Variants in FOXJ3 observed in about 807,000 individuals in gnomAD.
FOXJ3 encodes the protein forkhead box J3, also known as forkhead box protein J3.
A neutral mutation model predicts 76.1 loss-of-function variants in FOXJ3; 22 were observed. The observed-to-expected ratio is 0.29, with a 90% CI of 0.21 to 0.41. FOXJ3 has a LOEUF of 0.41. Ranked by LOEUF, FOXJ3 falls within the 10% of genes least tolerant of loss-of-function variation. The probability of loss-of-function intolerance (pLI) is 1.00; values close to 1 mark genes in which losing one functional copy is unlikely to be tolerated. For missense variants in FOXJ3, 613 were observed against 762.1 expected (o/e 0.80, Z 2.30); for synonymous variants, 269 against 261.2 (o/e 1.03, Z -0.29).
chr1:42,252,954 T>A (rs1208045630), intron 4 of FOXJ3, among the ~76,000 whole-genome samples: 2 of 150,900 alleles, frequency 1.3e-5, no homozygotes, highest in Non-Finnish European at 2.9e-5. Flanking sequence ...TGTTGGAAGT[T>A]CTGGCCAGGG....
intron 1 of FOXJ3, among the ~76,000 whole-genome samples, chr1:42,315,057 C>T (rs1046514169): frequency 1.3e-5 from 2 of 152,174 alleles, no homozygotes; most frequent in Non-Finnish European, 2.9e-5. Flanking sequence ...ACCTTGAAAG[C>T]CTCATGCTAA....
At chr1:42,281,954 G>C (rs1292557383) in intron 2 of FOXJ3, among the ~76,000 whole-genome samples, 1 of 152,056 alleles carries the variant, frequency 6.6e-6, no homozygotes, top group Non-Finnish European at 1.5e-5. Context: ...AGCTACTTGG[G>C]AGGCTGAGGC....
At chr1:42,247,105 A>G (rs1045025588) in intron 4 of FOXJ3, among the ~76,000 whole-genome samples, 1 of 152,168 alleles carries the variant, frequency 6.6e-6, no homozygotes, top group Admixed American at 6.5e-5. Context: ...AAAGCAGGGT[A>G]GACTGGCTAT....
intron 3 of FOXJ3, among the ~76,000 whole-genome samples, chr1:42,268,369 A>C (rs1326058680): frequency 1.3e-5 from 2 of 152,122 alleles, no homozygotes; most frequent in African/African-American, 4.8e-5. Context: ...AGGCAAAATA[A>C]AGACTTCCAA....
At chr1:42,279,068 C>T (rs1652505068) in intron 2 of FOXJ3, among the ~76,000 whole-genome samples, 1 of 152,126 alleles carries the variant, frequency 6.6e-6, no homozygotes, top group Admixed American at 6.5e-5. Context: ...TTAAAATGTA[C>T]CTCTGGCATT....
chr1:42,238,240 G>A (rs1346182572), intron 4 of FOXJ3, among the ~76,000 whole-genome samples: 2 of 152,128 alleles, frequency 1.3e-5, no homozygotes, highest in Admixed American at 6.5e-5. Context: ...TCACCACATT[G>A]GCCAGGCTGC....
chr1:42,191,884 T>C (rs575777379), intron 8 of FOXJ3, among the ~76,000 whole-genome samples, 165 bp from the exon 9 acceptor site: 45 of 152,288 alleles, frequency 3.0e-4, no homozygotes, highest in African/African-American at 9.9e-4. Flanking sequence ...TCTGTGGTTA[T>C]TGAGAAGAAA....
chr1:42,217,095 A>G (rs1258164449), intron 5 of FOXJ3, among the ~76,000 whole-genome samples: 2 of 152,360 alleles, frequency 1.3e-5, no homozygotes, highest in Middle Eastern at 6.8e-3. Context: ...CTATTTGCAG[A>G]TGACACAATT....
chr1:42,301,704 T>C (rs553458423), intron 2 of FOXJ3, among the ~76,000 whole-genome samples: 2 of 152,350 alleles, frequency 1.3e-5, no homozygotes, highest in African/African-American at 2.4e-5. Context: ...TCTCCTTTCA[T>C]ATCCCAAACT....
intron 5 of FOXJ3, among the ~76,000 whole-genome samples, chr1:42,223,523 T>C (rs1426354653): frequency 6.6e-6 from 1 of 152,194 alleles, no homozygotes; most frequent in Non-Finnish European, 1.5e-5. Flanking sequence ...GCATGCTGTG[T>C]CTCCAAGTGG....
chr1:42,307,439 G>A (rs1309858499), intron 2 of FOXJ3, among the ~76,000 whole-genome samples: 2 of 152,098 alleles, frequency 1.3e-5, no homozygotes, highest in Non-Finnish European at 2.9e-5. Context: ...AGCAGCTGCC[G>A]CCTGTTATGT....
intron 2 of FOXJ3, 56 bp downstream of exon 2, chr1:42,310,994 G>A: frequency 2.8e-6 from 3 of 1,059,826 alleles, no homozygotes; most frequent in Non-Finnish European, 4.2e-6. Context: ...GAGGTGACCA[G>A]TCTAACTTTT....
intron 9 of FOXJ3, among the ~76,000 whole-genome samples, chr1:42,190,353 T>TG (rs1646517210): frequency 6.6e-6 from 1 of 152,216 alleles, no homozygotes; most frequent in Non-Finnish European, 1.5e-5. Context: ...ACTGGCTACT[T>TG]GATTACAAAA....
At chr1:42,311,673 G>GTAGTAGTAGTAGTAGTAGTAC (rs1453571418) in intron 1 of FOXJ3, among the ~76,000 whole-genome samples, 119 of 152,136 alleles carry the variant, frequency 7.8e-4, no homozygotes, top group African/African-American at 2.8e-3. Flanking sequence ...AGTAGTAGTA[G>GTAGTAGTAGTAGTAGTAGTAC]TAGTAAAGAG....
chr1:42,251,882 CTAA>C (rs1477714520), intron 4 of FOXJ3, among the ~76,000 whole-genome samples: 1 of 151,814 alleles, frequency 6.6e-6, no homozygotes, highest in Non-Finnish European at 1.5e-5. Flanking sequence ...CCATGCCCGG[CTAA>C]TTTTTGTATT....
In FOXJ3 at chr1:42,181,812, G is replaced by GACACACACAC. The variant is rs112821227; in HGVS notation, c.1753+95_1753+104dup. Reference sequence around the variant, plus strand: ...CAATATTAAACTCTGGGTAATAACTGACACACACACACACACTCTCTCTCT... The same window carrying GACACACACAC: ...CAATATTAAACTCTGGGTAATAACTGACACACACACACACACACACACACACTCTCTCTCT... On this transcript the variant is annotated intron_variant, in intron 12 of 12. Coordinates refer to ENST00000361346, the MANE Select transcript of FOXJ3 (RefSeq NM_014947.5). The GACACACACAC allele has an allele frequency of 1.3e-5, 8 of 611,672 alleles. No homozygotes were observed. In the South Asian group the frequency reaches 1.7e-4, roughly 13 times the overall value. 37.9% of individuals were successfully genotyped at this position (611,672 alleles called of 1,614,324 possible).
chr1:42,303,559 G>T (rs183210749), intron 2 of FOXJ3, among the ~76,000 whole-genome samples: 6 of 152,304 alleles, frequency 3.9e-5, no homozygotes, highest in Admixed American at 1.3e-4. Context: ...CAGACGAACG[G>T]GAAATTCATC....
At chr1:42,202,129 GC>G (rs1557633325) in intron 6 of FOXJ3, among the ~76,000 whole-genome samples, 1 of 151,830 alleles carries the variant, frequency 6.6e-6, no homozygotes, top group Non-Finnish European at 1.5e-5. Context: ...ATTTTTGAAA[GC>G]TTTTTATTGC....
chr1:42,307,717 T>G (rs112537444), intron 2 of FOXJ3, among the ~76,000 whole-genome samples: 13 of 152,192 alleles, frequency 8.5e-5, no homozygotes, highest in Non-Finnish European at 1.5e-4. Context: ...CAGAGTATAC[T>G]TAACTATCAC....
Sources: allele counts gnomAD v4.1 joint callset (sites outside exome capture counted in the v4.1 genomes callset), GRCh38; gene constraint gnomAD v4.1.1; transcripts MANE v1.5; gene names NCBI Gene and HGNC (gene_info 2026-07-23, HGNC 2026-07-21).